The following GPC3 variants were observed in gnomAD, a reference collection of about 807,000 sequenced individuals.
GPC3 encodes the protein glypican 3.
A neutral mutation model predicts 34.4 loss-of-function variants in GPC3; 3 were observed. The ratio of observed to expected loss-of-function variants is 0.09; its 90% CI spans 0.04 to 0.23. The LOEUF (loss-of-function observed/expected upper bound fraction) is 0.23, where lower values mean the gene tolerates loss of function less well. GPC3 is among the 10% of genes least tolerant of loss of function. The pLI, the probability that GPC3 is intolerant of heterozygous loss-of-function variation, is 1.00. For synonymous variants in GPC3, 177 were observed against 174.0 expected, an observed-to-expected ratio of 1.02 and a Z score of -0.13; for missense variants, 351 against 445.6, an observed-to-expected ratio of 0.79 and a Z score of 1.91.
intron 3 of GPC3, among the ~76,000 whole-genome samples, chrX:133,750,346 C>T (rs1396790566): frequency 8.9e-6 from 1 of 112,358 alleles, no homozygotes; most frequent in Non-Finnish European, 1.9e-5. Context: ...CTAGGGGGGT[C>T]TAAGCGGGGA....
At chrX:133,737,556 A>G (rs753383848) in intron 3 of GPC3, among the ~76,000 whole-genome samples, 1 of 112,209 alleles carries the variant, frequency 8.9e-6, no homozygotes, top group Non-Finnish European at 1.9e-5. Flanking sequence ...AAACAAAAAA[A>G]GAAGGGCAAA....
intron 6 of GPC3, among the ~76,000 whole-genome samples, chrX:133,649,865 A>G (rs1187811358): frequency 8.0e-5 from 9 of 111,829 alleles, no homozygotes; most frequent in Non-Finnish European, 1.5e-4. Flanking sequence ...GTCTGTGGCT[A>G]ACAAATTCCA....
chrX:133,833,249 C>T, intron 2 of GPC3, among the ~76,000 whole-genome samples: 1 of 111,171 alleles, frequency 9.0e-6, no homozygotes. Flanking sequence ...AGGGAATGAG[C>T]TTGATTAGAG....
intron 6 of GPC3, among the ~76,000 whole-genome samples, chrX:133,642,665 G>A (rs1368321823): frequency 9.2e-6 from 1 of 108,526 alleles, no homozygotes; most frequent in East Asian, 2.9e-4. Context: ...CCAGCTACTC[G>A]GGAGGCTGAG....
chrX:133,798,421 C>T (rs756128355), intron 2 of GPC3, among the ~76,000 whole-genome samples: 1 of 111,941 alleles, frequency 8.9e-6, no homozygotes, highest in African/African-American at 3.2e-5. Context: ...GGTACAGCCA[C>T]CACCAACACT....
intron 2 of GPC3, among the ~76,000 whole-genome samples, chrX:133,869,658 T>C (rs941620550): frequency 9.0e-6 from 1 of 111,261 alleles, no homozygotes; most frequent in Admixed American, 9.5e-5. Flanking sequence ...CTTCTAAGAG[T>C]ACTGGGTGGC....
intron 5 of GPC3, among the ~76,000 whole-genome samples, chrX:133,675,285 T>C (rs1203628054): frequency 5.4e-5 from 6 of 111,872 alleles, no homozygotes; most frequent in Non-Finnish European, 1.1e-4. Context: ...ACCTGCAGAA[T>C]TAGCCCTACC....
At chrX:133,810,831 G>A (rs1165142292) in intron 2 of GPC3, among the ~76,000 whole-genome samples, 3 of 100,307 alleles carry the variant, frequency 3.0e-5, no homozygotes, top group African/African-American at 1.1e-4. Context: ...CATGAACCCG[G>A]GAGGCGGGTG....
intron 7 of GPC3, among the ~76,000 whole-genome samples, chrX:133,593,330 CAAAAAAAAAAA>C (rs756083308): frequency 2.0e-4 from 2 of 9,894 alleles, no homozygotes; most frequent in Non-Finnish European, 4.0e-4. Flanking sequence ...GAGACTGTCT[CAAAAAAAAAAA>C]AAAAAAAAAA....
intron 6 of GPC3, among the ~76,000 whole-genome samples, chrX:133,646,959 C>T (rs1211728258): frequency 8.9e-6 from 1 of 112,097 alleles, no homozygotes; most frequent in Non-Finnish European, 1.9e-5. Flanking sequence ...TATTATTCCA[C>T]TGCATTTCTC....
chrX:133,859,115 C>T (rs1388278426), intron 2 of GPC3, among the ~76,000 whole-genome samples: 1 of 109,805 alleles, frequency 9.1e-6, no homozygotes, highest in African/African-American at 3.3e-5. Context: ...AACTAACTGT[C>T]CTTTGATCTA....
intron 6 of GPC3, among the ~76,000 whole-genome samples, chrX:133,603,594 C>T (rs1650069573): frequency 9.0e-6 from 1 of 111,626 alleles, no homozygotes; most frequent in South Asian, 3.8e-4. Flanking sequence ...GACCTTTTGT[C>T]TTTGTAGTTA....
intron 6 of GPC3, among the ~76,000 whole-genome samples, chrX:133,605,500 G>A (rs892615041): frequency 8.9e-6 from 1 of 112,002 alleles, no homozygotes; most frequent in Non-Finnish European, 1.9e-5. Context: ...AAGTGTGTTC[G>A]GTTCCCAGTG....
chrX:133,589,747 A>T (rs1293037158), intron 7 of GPC3, among the ~76,000 whole-genome samples: 2 of 111,107 alleles, frequency 1.8e-5, no homozygotes, highest in Non-Finnish European at 3.8e-5. Context: ...AAATTACCCC[A>T]TCTCTCATAT....
intron 1 of GPC3, among the ~76,000 whole-genome samples, chrX:133,956,376 G>A (rs1412996288): frequency 8.9e-6 from 1 of 112,260 alleles, no homozygotes; most frequent in Non-Finnish European, 1.9e-5. Context: ...GTTACAAAAT[G>A]TAATGCTATT....
intron 2 of GPC3, among the ~76,000 whole-genome samples, chrX:133,939,742 A>C (rs2076336876): frequency 8.9e-6 from 1 of 112,055 alleles, no homozygotes; most frequent in Non-Finnish European, 1.9e-5. Context: ...AATGCCTGTA[A>C]GACAAGTCCA....
intron 2 of GPC3, among the ~76,000 whole-genome samples, chrX:133,803,428 A>T (rs1408809732): frequency 8.9e-6 from 1 of 112,084 alleles, no homozygotes; most frequent in Non-Finnish European, 1.9e-5. Context: ...AAAAGGCAAG[A>T]CTGGTTCATG....
At chrX:133,541,545 C>T (rs2069343056) in intron 7 of GPC3, among the ~76,000 whole-genome samples, 1 of 112,339 alleles carries the variant, frequency 8.9e-6, no homozygotes, top group Admixed American at 9.5e-5. Context: ...ATCAGTTTAA[C>T]TATGCCCAAA....
chrX:133,891,729 G>T (rs1253120336), intron 2 of GPC3, among the ~76,000 whole-genome samples: 1 of 106,351 alleles, frequency 9.4e-6, no homozygotes, highest in African/African-American at 3.4e-5. Flanking sequence ...AGTTCAGGAG[G>T]TGGAGGCTGC....
Sources: allele counts gnomAD v4.1 joint callset (sites outside exome capture counted in the v4.1 genomes callset), GRCh38; gene constraint gnomAD v4.1.1; transcripts MANE v1.5; gene names NCBI Gene and HGNC (gene_info 2026-07-23, HGNC 2026-07-21).